Variants in TANC1 observed in about 807,000 individuals in gnomAD.
The protein encoded by TANC1 is protein TANC1.
Under a neutral mutation model 149.7 loss-of-function variants are expected in TANC1, and 77 were observed. The ratio of observed to expected loss-of-function variants is 0.51; its 90% CI spans 0.43 to 0.62. The LOEUF is 0.62. Among genes scored for constraint, TANC1 ranks in the 20% least tolerant of loss-of-function variants. The pLI is 0.00. For missense variants in TANC1, 1,985 were observed against 2,321.8 expected (o/e 0.85, Z 2.98); for synonymous variants, 854 against 925.0 (o/e 0.92, Z 1.39).
intron 2 of TANC1, among the ~76,000 whole-genome samples, chr2:159,064,798 G>T (rs371345171): frequency 6.6e-6 from 1 of 152,200 alleles, no homozygotes; most frequent in Admixed American, 6.5e-5. Context: ...GAGAGGTGGT[G>T]TGTGGTGTGT....
At chr2:159,008,526 G>A (rs776023920) in intron 2 of TANC1, among the ~76,000 whole-genome samples, 15 of 152,118 alleles carry the variant, frequency 9.9e-5, no homozygotes, top group African/African-American at 1.7e-4. Context: ...CGTTCACTTC[G>A]TGTTGGCTTT....
intron 16 of TANC1, among the ~76,000 whole-genome samples, chr2:159,193,857 T>A (rs28722490): frequency 1.4e-4 from 21 of 151,974 alleles, no homozygotes; most frequent in South Asian, 2.1e-4. Flanking sequence ...TTTTTTTTTT[T>A]AATTTTCACA....
At chr2:159,153,409 G>A (rs769225873) in intron 7 of TANC1, among the ~76,000 whole-genome samples, 1 of 152,202 alleles carries the variant, frequency 6.6e-6, no homozygotes, top group Non-Finnish European at 1.5e-5. Context: ...GGAAGTGGCT[G>A]GTAAGTCCCT....
chr2:159,010,259 G>T (rs954446417), intron 2 of TANC1, among the ~76,000 whole-genome samples: 9 of 152,154 alleles, frequency 5.9e-5, no homozygotes, highest in African/African-American at 1.4e-4. Flanking sequence ...ACATAAAAAA[G>T]ACTTAGTCAC....
intron 4 of TANC1, among the ~76,000 whole-genome samples, chr2:159,107,919 T>C (rs564161502): frequency 6.6e-6 from 1 of 152,368 alleles, no homozygotes; most frequent in East Asian, 1.9e-4. Context: ...TAAGGACTGC[T>C]GTCTTGTCTT....
intron 2 of TANC1, among the ~76,000 whole-genome samples, chr2:159,016,541 A>AT (rs34990286): frequency 1.1e-4 from 16 of 146,302 alleles, no homozygotes; most frequent in East Asian, 2.0e-4. Context: ...TTTAATAAGT[A>AT]TTTTTTTTTA....
chr2:159,087,836 G>T (rs966902320), intron 3 of TANC1, among the ~76,000 whole-genome samples: 1 of 149,830 alleles, frequency 6.7e-6, no homozygotes, highest in Non-Finnish European at 1.5e-5. Context: ...AGGAAGTTCA[G>T]ATGAAGTCAC....
chr2:159,094,763 TTGTG>T lies in TANC1; in HGVS notation c.62-2865_62-2862del, dbSNP rs201182144. Among the ~76,000 whole-genome samples, 165 of 125,568 alleles carry T rather than the reference TTGTG, an allele frequency of 1.3e-3. 1 individual carries two copies. The highest frequency in any genetic ancestry group is 5.2e-3 in the African/African-American group (156 of 29,796). The allele number at this position is 125,568 out of a possible 152,430, so 82.4% of individuals were successfully genotyped here. ...GCTAGCAAAAGAGGGTGGATGAAGCTTGTGTGTGTGTGGGGGGGGGGTGGGGGCC... is the reference window on the plus strand; with the variant it reads ...GCTAGCAAAAGAGGGTGGATGAAGCTTGTGTGTGGGGGGGGGGTGGGGGCC... On this transcript the variant is annotated intron_variant, in intron 3 of 26. Coordinates refer to ENST00000263635, the MANE Select transcript of TANC1 (RefSeq NM_033394.3).
chr2:159,184,910 T>C (rs368279740), intron 14 of TANC1, among the ~76,000 whole-genome samples: 28 of 152,276 alleles, frequency 1.8e-4, no homozygotes, highest in African/African-American at 6.3e-4. Context: ...TCTAACACGG[T>C]TTATAACCTA....
chr2:159,077,453 G>T (rs1482812661), intron 3 of TANC1, among the ~76,000 whole-genome samples: 2 of 152,060 alleles, frequency 1.3e-5, no homozygotes, highest in African/African-American at 4.8e-5. Context: ...GCTCCCCAAA[G>T]GCAATTAATG....
At chr2:159,097,864 TTA>T in intron 4 of TANC1, 30 bp downstream of exon 4, 1 of 1,596,024 alleles carries the variant, frequency 6.3e-7, no homozygotes. Flanking sequence ...GCTGCCTTGG[TTA>T]TATATGTAGT....
intron 4 of TANC1, among the ~76,000 whole-genome samples, chr2:159,107,649 C>T (rs916170679): frequency 1.3e-5 from 2 of 152,228 alleles, no homozygotes; most frequent in African/African-American, 4.8e-5. Context: ...GTTGTGCCTT[C>T]ACCCAGCCCT....
At chr2:159,135,342 G>A (rs553956114) in intron 4 of TANC1, among the ~76,000 whole-genome samples, 3 of 152,336 alleles carry the variant, frequency 2.0e-5, no homozygotes, top group Admixed American at 6.5e-5. Flanking sequence ...GTCATTTGAC[G>A]TACCTTTAGC....
At chr2:159,150,191 T>C in intron 6 of TANC1, 179 bp from the exon 7 acceptor site, 1 of 495,116 alleles carries the variant, frequency 2.0e-6, no homozygotes, top group Non-Finnish European at 3.5e-6. Context: ...AGACCACATA[T>C]ACATTTATAT....
intron 7 of TANC1, among the ~76,000 whole-genome samples, chr2:159,156,462 G>A (rs1349737428): frequency 2.6e-5 from 4 of 152,110 alleles, no homozygotes; most frequent in African/African-American, 7.2e-5. Flanking sequence ...AGCATTTATT[G>A]GCGCCTACTG....
chr2:159,084,998 G>A (rs1487967224), intron 3 of TANC1, among the ~76,000 whole-genome samples: 1 of 152,178 alleles, frequency 6.6e-6, no homozygotes, highest in African/African-American at 2.4e-5. Context: ...GGCAATGACA[G>A]TGTCATTTTA....
Position 159,230,343 on chromosome 2 carries a change from C to T in TANC1, c.4917C>T (p.Asp1639=), listed in dbSNP as rs1229201921. ...RLLSHSSVAV[D]AAPPNQGGLA... ...TGTCTCATTCCTCCGTGGCTGTGGA[C>T]GCAGCCCCTCCAAACCAAGGTGGGC... The change falls in exon 27 of 27, where the codon GAC becomes GAT. Residue 1639 remains aspartate, a synonymous_variant. Transcript: ENST00000263635. The surrounding 1 kb of genome is among the most constrained non-coding windows in gnomAD (Gnocchi z 4.4). 5 of 1,614,114 alleles carry T rather than the reference C, an allele frequency of 3.1e-6. No homozygotes were observed. The highest frequency in any genetic ancestry group is 1.7e-4 in the Middle Eastern group (1 of 6,060).
intron 3 of TANC1, among the ~76,000 whole-genome samples, chr2:159,069,040 G>A (rs565383117): frequency 1.1e-4 from 17 of 152,132 alleles, no homozygotes; most frequent in East Asian, 3.9e-4. Context: ...TGCGCCCAGC[G>A]GATATTTGCA....
At chr2:159,059,502 C>G (rs2042074255) in intron 2 of TANC1, among the ~76,000 whole-genome samples, 2 of 144,044 alleles carry the variant, frequency 1.4e-5, no homozygotes, top group South Asian at 4.3e-4. Context: ...GTAAGACTCT[C>G]TTAAAAAAAA....
Sources: gnomAD v4.1 joint callset for allele counts (sites outside exome capture counted in the v4.1 genomes callset) on GRCh38, gnomAD v4.1.1 for gene constraint, Gnocchi (gnomAD v3.1) non-coding constraint, MANE v1.5 for transcripts, NCBI Gene and HGNC (gene_info 2026-07-23, HGNC 2026-07-21) for gene names.